The following RBM47 variants were observed in gnomAD, a reference collection of about 807,000 sequenced individuals.
The protein encoded by RBM47 is RNA binding motif protein 47, also known as RNA-binding protein 47.
In RBM47, 21 loss-of-function variants were observed where a neutral mutation model predicts 47.1. That is an observed-to-expected ratio of 0.45 (90% CI 0.32 to 0.64). RBM47 has a LOEUF of 0.64. RBM47 is among the 30% of genes least tolerant of loss of function. The probability of loss-of-function intolerance (pLI) is 0.05; values close to 1 mark genes in which losing one functional copy is unlikely to be tolerated. For synonymous variants in RBM47, 375 were observed against 361.7 expected, an observed-to-expected ratio of 1.04 and a Z score of -0.42; for missense variants, 708 against 870.9, an observed-to-expected ratio of 0.81 and a Z score of 2.35.
intron 2 of RBM47, among the ~76,000 whole-genome samples, chr4:40,521,052 A>G (rs1388900591): frequency 6.6e-6 from 1 of 152,180 alleles, no homozygotes; most frequent in Admixed American, 6.5e-5. Context: ...GTATACTAGT[A>G]ATTGTGGCAT....
chr4:40,466,265 CAAAA>C (rs55805915), intron 3 of RBM47, among the ~76,000 whole-genome samples: 2 of 91,658 alleles, frequency 2.2e-5, no homozygotes, highest in Admixed American at 1.2e-4. Flanking sequence ...GAGACTGTCT[CAAAA>C]AAAAAAAAAA....
chr4:40,431,662 A>AG (rs1243929806), intron 6 of RBM47, among the ~76,000 whole-genome samples: 1 of 80,942 alleles, frequency 1.2e-5, no homozygotes, highest in African/African-American at 3.9e-5. Context: ...CGTCTAAAAA[A>AG]AAAAAAAAAA....
Position 40,587,352 on chromosome 4 carries a change from G to A in RBM47, c.-240+42044C>T, listed in dbSNP as rs561219028. On this transcript the variant is annotated intron_variant, in intron 1 of 6. Transcript: ENST00000295971. ...GAGGAACTGTGGGGCAGGGATGGGGGTTAACACTAAGAAGAGACCAGAAGG... is the reference window on the plus strand; with the variant it reads ...GAGGAACTGTGGGGCAGGGATGGGGATTAACACTAAGAAGAGACCAGAAGG... 1.3e-4 allele frequency among the ~76,000 whole-genome samples: 20 copies of A among 152,182 alleles called. No homozygotes were observed. In the East Asian group the frequency reaches 3.7e-3, roughly 28 times the overall value.
At chr4:40,466,780 G>A (rs201619327) in intron 2 of RBM47, 81 bp from the exon 3 acceptor site, 1 of 109,112 alleles carries the variant, frequency 9.2e-6, no homozygotes, top group South Asian at 4.2e-4. Flanking sequence ...TTGGGGGGGG[G>A]GGGGCAGATC....
intron 1 of RBM47, among the ~76,000 whole-genome samples, chr4:40,602,092 C>CGGGAGGTGGAGGTTGCAGTGAG (rs1735333045): frequency 6.6e-6 from 1 of 151,820 alleles, no homozygotes; most frequent in Non-Finnish European, 1.5e-5. Flanking sequence ...CGCTTGAGCC[C>CGGGAGGTGGAGGTTGCAGTGAG]GGGAGGTGGA....
intron 2 of RBM47, among the ~76,000 whole-genome samples, chr4:40,522,333 T>C (rs1017158807): frequency 2.6e-5 from 4 of 152,100 alleles, no homozygotes; most frequent in Non-Finnish European, 5.9e-5. Flanking sequence ...GGTGAAGCCC[T>C]GTTTCTACTA....
intron 1 of RBM47, among the ~76,000 whole-genome samples, chr4:40,579,442 T>G (rs1255841102): frequency 8.1e-5 from 5 of 61,458 alleles, no homozygotes; most frequent in South Asian, 1.0e-3. Context: ...AAAAAAAAAA[T>G]GCAATAGCAA....
chr4:40,510,583 A>G (rs988384140), intron 2 of RBM47, among the ~76,000 whole-genome samples: 10 of 152,176 alleles, frequency 6.6e-5, no homozygotes, highest in African/African-American at 2.4e-4. Context: ...GTCACCTTGA[A>G]GAGGTGACAT....
chr4:40,467,402 G>C (rs1050726974), intron 2 of RBM47, among the ~76,000 whole-genome samples: 8 of 151,820 alleles, frequency 5.3e-5, no homozygotes, highest in African/African-American at 1.9e-4. Context: ...CGATTCTCCT[G>C]CCTCAGCCTC....
intron 1 of RBM47, among the ~76,000 whole-genome samples, chr4:40,617,296 C>T (rs992757076): frequency 2.0e-5 from 3 of 152,102 alleles, no homozygotes; most frequent in Non-Finnish European, 4.4e-5. Flanking sequence ...TGATGGCTCA[C>T]ACTTGTAATC....
At chr4:40,477,177 C>T (rs975532652) in intron 2 of RBM47, among the ~76,000 whole-genome samples, 18 of 152,194 alleles carry the variant, frequency 1.2e-4, no homozygotes, top group African/African-American at 3.1e-4. Flanking sequence ...AGTGAGACTC[C>T]GTCTCGAAAA....
chr4:40,609,023 C>G (rs1736010380), intron 1 of RBM47, among the ~76,000 whole-genome samples: 1 of 151,944 alleles, frequency 6.6e-6, no homozygotes, highest in East Asian at 1.9e-4. Context: ...GATAGAGTTT[C>G]ACTCTTGTCG....
chr4:40,431,168 T>C (rs1342581912), intron 6 of RBM47, among the ~76,000 whole-genome samples: 1 of 152,246 alleles, frequency 6.6e-6, no homozygotes, highest in Admixed American at 6.5e-5. Context: ...TCGGTATTCA[T>C]GATTCACTGC....
intron 1 of RBM47, among the ~76,000 whole-genome samples, chr4:40,546,468 T>C (rs1729047717): frequency 6.6e-6 from 1 of 152,194 alleles, no homozygotes; most frequent in Non-Finnish European, 1.5e-5. Flanking sequence ...GTGTAGAAGA[T>C]TTTATTATAC....
At chr4:40,491,082 AG>A (rs1721803982) in intron 2 of RBM47, among the ~76,000 whole-genome samples, 1 of 152,084 alleles carries the variant, frequency 6.6e-6, no homozygotes, top group African/African-American at 2.4e-5. Flanking sequence ...GAAAACCATA[AG>A]GTGCGGGGAG....
chr4:40,545,016 G>A (rs773024872), intron 1 of RBM47, among the ~76,000 whole-genome samples: 14 of 149,848 alleles, frequency 9.3e-5, no homozygotes, highest in East Asian at 2.0e-4. Flanking sequence ...AGCTATGATC[G>A]TGCACTCCAG....
intron 2 of RBM47, among the ~76,000 whole-genome samples, chr4:40,538,040 G>A (rs1477076551): frequency 6.6e-6 from 1 of 151,912 alleles, no homozygotes; most frequent in African/African-American, 2.4e-5. Context: ...TCTTCAGTCT[G>A]CATCATAGTG....
At chr4:40,432,556 G>A in intron 6 of RBM47, 95 bp downstream of exon 6, 1 of 1,560,062 alleles carries the variant, frequency 6.4e-7, no homozygotes, top group Non-Finnish European at 8.7e-7. Flanking sequence ...CAGAGAGCCA[G>A]GCACACAGTA....
chr4:40,425,843 A>G lies in RBM47; in HGVS notation c.*61T>C. ...TGAATCCAACATGTTCCTTCTTCATAAATAGTCAAGCGTTCCTTCAGTGGT... is the reference window on the plus strand; with the variant it reads ...TGAATCCAACATGTTCCTTCTTCATGAATAGTCAAGCGTTCCTTCAGTGGT... On this transcript the variant is annotated 3_prime_UTR_variant, in exon 7 of 7. Coordinates refer to ENST00000295971, the MANE Select transcript of RBM47 (RefSeq NM_001098634.2). 6.4e-7 allele frequency: 1 copy of G among 1,569,700 alleles called. No individual in the cohort carries two copies. Among genetic ancestry groups the G allele is most frequent in the South Asian group, 1.2e-5 (1 of 86,582 alleles).
Sources: allele counts gnomAD v4.1 joint callset (sites outside exome capture counted in the v4.1 genomes callset), GRCh38; gene constraint gnomAD v4.1.1; transcripts MANE v1.5; gene names NCBI Gene and HGNC (gene_info 2026-07-23, HGNC 2026-07-21).